KATNIP: variants seen among roughly 807,000 people sequenced by gnomAD.
The protein encoded by KATNIP is katanin-interacting protein.
A neutral mutation model predicts 174.0 loss-of-function variants in KATNIP; 126 were observed. The observed-to-expected ratio is 0.72, with a 90% CI of 0.63 to 0.84. The LOEUF (loss-of-function observed/expected upper bound fraction) is 0.84. Among genes scored for constraint, KATNIP ranks in the 40% least tolerant of loss-of-function variants. The probability of loss-of-function intolerance (pLI) is 0.00; values close to 1 mark genes in which losing one functional copy is unlikely to be tolerated. For synonymous variants in KATNIP, 810 were observed against 835.7 expected (o/e 0.97, Z 0.53); for missense variants, 1,958 against 2,109.7 (o/e 0.93, Z 1.41).
chr16:27,632,502 T>A, intron 5 of KATNIP: 1 of 425,016 alleles, frequency 2.4e-6, no homozygotes, highest in Middle Eastern at 3.4e-4. Context: ...ATTAGCAGGA[T>A]CTGAGGGTGG....
intron 3 of KATNIP, among the ~76,000 whole-genome samples, chr16:27,626,583 A>G (rs1262643290): frequency 2.0e-5 from 3 of 152,152 alleles, no homozygotes; most frequent in South Asian, 2.1e-4. Flanking sequence ...GCCACATACT[A>G]TAATAGCTAT....
intron 2 of KATNIP, among the ~76,000 whole-genome samples, chr16:27,615,379 G>A (rs1475788147): frequency 1.3e-5 from 2 of 150,048 alleles, no homozygotes; most frequent in Non-Finnish European, 3.0e-5. Context: ...TTTTGAGACG[G>A]AGTCTCATTC....
At chr16:27,698,615 C>A in intron 9 of KATNIP, 115 bp downstream of exon 9, 1 of 1,025,274 alleles carries the variant, frequency 9.8e-7, no homozygotes, top group Non-Finnish European at 1.3e-6. Flanking sequence ...GCATCGCTGA[C>A]CCCAGACTCA....
At chr16:27,551,908 C>A (rs1188271448) in intron 1 of KATNIP, among the ~76,000 whole-genome samples, 1 of 151,742 alleles carries the variant, frequency 6.6e-6, no homozygotes, top group African/African-American at 2.4e-5. Context: ...TCATAATAAT[C>A]ATAATAATAA....
intron 2 of KATNIP, among the ~76,000 whole-genome samples, chr16:27,607,073 C>T (rs1203361901): frequency 6.6e-6 from 1 of 152,140 alleles, no homozygotes; most frequent in Admixed American, 6.5e-5. Context: ...TTGGGAAGCA[C>T]ACCTATCCCT....
chr16:27,713,810 A>ATATATATATATATATATATATCTATC (rs2079769869), intron 13 of KATNIP, among the ~76,000 whole-genome samples: 1 of 5,690 alleles, frequency 1.8e-4, no homozygotes, highest in Non-Finnish European at 3.9e-4. Context: ...GTGTATATAC[A>ATATATATATATATATATATATCTATC]TATATATATA....
rs751188545 is a variant in KATNIP at position 27,740,350 on chromosome 16, A to G, written c.2053A>G (p.Thr685Ala). 3 of 1,614,246 alleles carry G rather than the reference A, an allele frequency of 1.9e-6. No individual in the cohort carries two copies. The highest frequency in any genetic ancestry group is 2.5e-6 in the Non-Finnish European group (3 of 1,180,028). Reference sequence around the variant, plus strand: ...TGTGTCTGGCAAAAGAAAGAATTCTACTAATTGCAGGAAAGACAGTTTGTC... The same window carrying G: ...TGTGTCTGGCAAAAGAAAGAATTCTGCTAATTGCAGGAAAGACAGTTTGTC... ...GNVSGKRKNS[T>A]NCRKDSLSQL... is the part of the protein sequence containing the mutation. The change falls in exon 15 of 28, where the codon ACT becomes GCT. Residue 685 changes from threonine (T) to alanine (A), a missense_variant. Transcript: ENST00000261588.
rs233453 is a variant in KATNIP at position 27,630,928 on chromosome 16, A to G, written c.311-137A>G. On this transcript the variant is annotated intron_variant, in intron 4 of 27. Coordinates refer to ENST00000261588, the MANE Select transcript of KATNIP (RefSeq NM_015202.5). The stretch of plus-strand genomic sequence containing the variant: ...TTTCTGATGTCTTGTTGCCACAACC[A>G]CGCTGTAGTCAATGTCCTCATACAC... The G allele has an allele frequency of 0.87, 566,684 of 647,980 alleles. 248,885 individuals are homozygous for G. The highest frequency in any genetic ancestry group is 1 in the East Asian group (36,243 of 36,300). 40.1% of individuals were successfully genotyped at this position (647,980 alleles called of 1,614,324 possible). A position where few individuals can be genotyped will look rare whatever the true frequency, so the allele number is the denominator to read the frequency against.
At chr16:27,570,556 G>C (rs2090250657) in intron 1 of KATNIP, among the ~76,000 whole-genome samples, 1 of 152,150 alleles carries the variant, frequency 6.6e-6, no homozygotes, top group South Asian at 2.1e-4. Flanking sequence ...AACAGAGTGA[G>C]GCTCCATCTC....
chr16:27,761,014 C>T lies in KATNIP; in HGVS notation c.3632-399C>T, dbSNP rs142512842. On this transcript the variant is annotated intron_variant, in intron 18 of 27. Transcript: ENST00000261588. ...AATATAAATACGAGAAACTGAAAGA[C>T]AGCCTGGGTGGGGCCTAGGGTCCCT... Among the ~76,000 whole-genome samples, 310 of 152,312 alleles carry T rather than the reference C, an allele frequency of 2.0e-3. 1 individual carries two copies. Among genetic ancestry groups the T allele is most frequent in the African/African-American group, 6.1e-3 (253 of 41,564 alleles).
chr16:27,561,464 G>A (rs900287500), intron 1 of KATNIP, among the ~76,000 whole-genome samples: 1 of 151,810 alleles, frequency 6.6e-6, no homozygotes, highest in African/African-American at 2.4e-5. Flanking sequence ...GCCCAATTTC[G>A]TTTCCTAGTG....
At chr16:27,563,732 G>T (rs1389472682) in intron 1 of KATNIP, among the ~76,000 whole-genome samples, 1 of 151,790 alleles carries the variant, frequency 6.6e-6, no homozygotes, top group Non-Finnish European at 1.5e-5. Flanking sequence ...AAGAGTGGAG[G>T]CAGGGATACC....
intron 5 of KATNIP, among the ~76,000 whole-genome samples, chr16:27,643,843 G>A (rs1484046155): frequency 6.6e-6 from 1 of 151,582 alleles, no homozygotes; most frequent in African/African-American, 2.4e-5. Context: ...ATATTACAAG[G>A]GGTGAAAGGT....
At chr16:27,618,713 G>C (rs183268342) in intron 3 of KATNIP, among the ~76,000 whole-genome samples, 7 of 152,106 alleles carry the variant, frequency 4.6e-5, no homozygotes, top group African/African-American at 9.7e-5. Flanking sequence ...CAAACTGCTC[G>C]ATGTGTAAGT....
chr16:27,593,373 G>A (rs556122856), intron 2 of KATNIP, among the ~76,000 whole-genome samples: 1 of 151,866 alleles, frequency 6.6e-6, no homozygotes, highest in Admixed American at 6.6e-5. Flanking sequence ...CAAGTAGCTG[G>A]GATTACAGGC....
At chr16:27,584,645 G>A (rs1401615339) in intron 2 of KATNIP, among the ~76,000 whole-genome samples, 2 of 152,078 alleles carry the variant, frequency 1.3e-5, no homozygotes, top group Non-Finnish European at 2.9e-5. Context: ...ACAAAAACTA[G>A]CTGTGTGTGT....
chr16:27,563,036 A>G (rs184345933), intron 1 of KATNIP, among the ~76,000 whole-genome samples: 26 of 152,326 alleles, frequency 1.7e-4, no homozygotes, highest in African/African-American at 5.5e-4. Flanking sequence ...AGAAATTTCT[A>G]CTGATGCACA....
intron 8 of KATNIP, among the ~76,000 whole-genome samples, chr16:27,692,005 T>A (rs1457904718): frequency 6.6e-6 from 1 of 152,186 alleles, no homozygotes; most frequent in Non-Finnish European, 1.5e-5. Context: ...AGCCCCAGAC[T>A]GATGAGGCAT....
chr16:27,610,093 A>C (rs1463150139), intron 2 of KATNIP, among the ~76,000 whole-genome samples: 1 of 152,192 alleles, frequency 6.6e-6, no homozygotes, highest in East Asian at 1.9e-4. Context: ...CCTCATGGCC[A>C]CTGGGATGGC....
Sources: gnomAD v4.1 joint callset for allele counts (sites outside exome capture counted in the v4.1 genomes callset) on GRCh38, gnomAD v4.1.1 for gene constraint, MANE v1.5 for transcripts, NCBI Gene and HGNC (gene_info 2026-07-23, HGNC 2026-07-21) for gene names.